The following CCDC7 variants were observed in gnomAD, a reference collection of about 807,000 sequenced individuals.
CCDC7 encodes coiled-coil domain containing 7.
CCDC7 carries 183 observed loss-of-function variants against 196.9 expected under a neutral mutation model. The ratio of observed to expected loss-of-function variants is 0.93; its 90% CI spans 0.82 to 1.05. CCDC7 has a LOEUF of 1.05. Among genes scored for constraint, CCDC7 ranks in the 50% least tolerant of loss-of-function variants. The pLI, the probability that CCDC7 is intolerant of heterozygous loss-of-function variation, is 0.00. For synonymous variants in CCDC7, 525 were observed against 484.6 expected (o/e 1.08, Z -1.10); for missense variants, 1,540 against 1,482.2 (o/e 1.04, Z -0.64).
chr10:32,450,951 GT>G (rs1297602080), upstream of CCDC7, among the ~76,000 whole-genome samples: 1 of 151,930 alleles, frequency 6.6e-6, no homozygotes, highest in Non-Finnish European at 1.5e-5. Context: ...TGTTCTTGTT[GT>G]TTTCTGTTGT....
chr10:32,836,474 G>A (rs2092610076), intron 33 of CCDC7, among the ~76,000 whole-genome samples: 1 of 152,100 alleles, frequency 6.6e-6, no homozygotes, highest in African/African-American at 2.4e-5. Context: ...TTCCACAATG[G>A]TTGAACTAGT....
At chr10:32,524,541 T>G (rs1017206952) in intron 11 of CCDC7, among the ~76,000 whole-genome samples, 7 of 152,208 alleles carry the variant, frequency 4.6e-5, no homozygotes, top group African/African-American at 1.7e-4. Context: ...AGAATTTCCT[T>G]TAGCATCTCT....
intron 32 of CCDC7, among the ~76,000 whole-genome samples, chr10:32,827,207 A>T (rs893092078): frequency 2.0e-4 from 30 of 152,224 alleles, no homozygotes; most frequent in African/African-American, 7.2e-4. Flanking sequence ...GATGGAGGTT[A>T]TACATGGGCT....
chr10:32,876,659 C>A, downstream of CCDC7: 1 of 301,962 alleles, frequency 3.3e-6, no homozygotes, highest in South Asian at 7.6e-5. Flanking sequence ...TTTTAAATCA[C>A]AAATAATAAA....
intron 30 of CCDC7, among the ~76,000 whole-genome samples, chr10:32,813,198 C>T (rs1187586252): frequency 6.6e-6 from 1 of 152,128 alleles, no homozygotes; most frequent in Non-Finnish European, 1.5e-5. Flanking sequence ...CCAATTCTAC[C>T]CACAGAATCT....
chr10:32,697,433 A>G (rs1278916437), intron 24 of CCDC7, among the ~76,000 whole-genome samples: 1 of 152,222 alleles, frequency 6.6e-6, no homozygotes, highest in African/African-American at 2.4e-5. Flanking sequence ...AAGGGAAGCC[A>G]TGACAGATGG....
chr10:32,868,905 T>C (rs1404483706), intron 41 of CCDC7, among the ~76,000 whole-genome samples: 2 of 152,142 alleles, frequency 1.3e-5, no homozygotes, highest in African/African-American at 2.4e-5. Flanking sequence ...AATTCATTCT[T>C]TTTTATGGCT....
chr10:32,487,570 A>T (rs2041375764), intron 8 of CCDC7, among the ~76,000 whole-genome samples: 2 of 152,130 alleles, frequency 1.3e-5, no homozygotes, highest in Admixed American at 1.3e-4. Flanking sequence ...TCTGATTTTT[A>T]GAGTTTCCAG....
intron 41 of CCDC7, among the ~76,000 whole-genome samples, chr10:32,857,175 A>C (rs1461197701): frequency 6.6e-6 from 1 of 152,152 alleles, no homozygotes; most frequent in East Asian, 1.9e-4. Context: ...CCAGAATGAG[A>C]GCCACTGCAC....
chr10:32,805,447 A>G (rs1461605745), intron 30 of CCDC7, among the ~76,000 whole-genome samples: 4 of 152,212 alleles, frequency 2.6e-5, no homozygotes, highest in Non-Finnish European at 5.9e-5. Flanking sequence ...CGGAAAGGCT[A>G]TCTGATGAGT....
At chr10:32,856,041 G>A (rs4934830) in intron 41 of CCDC7, among the ~76,000 whole-genome samples, 20,947 of 152,060 alleles carry the variant, frequency 0.14, 1,744 homozygotes, top group East Asian at 0.25. Context: ...AAATAATGAC[G>A]TTGTGCCCTT....
chr10:32,715,675 A>C (rs1375719341), intron 25 of CCDC7, among the ~76,000 whole-genome samples: 1 of 152,222 alleles, frequency 6.6e-6, no homozygotes, highest in Non-Finnish European at 1.5e-5. Context: ...AGGAACTGCT[A>C]ACTAGAATAA....
At chr10:32,849,848 C>T (rs893810085) in intron 39 of CCDC7, among the ~76,000 whole-genome samples, 2 of 151,924 alleles carry the variant, frequency 1.3e-5, no homozygotes, top group Admixed American at 6.6e-5. Context: ...AAGAAATTGC[C>T]ATACGCAGAA....
intron 25 of CCDC7, among the ~76,000 whole-genome samples, chr10:32,713,961 A>C (rs747834408): frequency 1.3e-5 from 2 of 152,208 alleles, no homozygotes; most frequent in African/African-American, 2.4e-5. Flanking sequence ...CTGGTCAACA[A>C]TCTTATCATC....
At chr10:32,825,656 T>C (rs183027781) in intron 32 of CCDC7, among the ~76,000 whole-genome samples, 46 of 152,198 alleles carry the variant, frequency 3.0e-4, no homozygotes, top group African/African-American at 1.1e-3. Flanking sequence ...CTTTTGTTGG[T>C]TTTGGGGTTT....
chr10:32,774,990 C>T (rs999906792), intron 28 of CCDC7, among the ~76,000 whole-genome samples: 3 of 152,088 alleles, frequency 2.0e-5, no homozygotes, highest in South Asian at 2.1e-4. Flanking sequence ...TGCAGTTTTG[C>T]GCTATCTTCC....
chr10:32,878,145 A>C (rs77404711), downstream of CCDC7, among the ~76,000 whole-genome samples: 5 of 152,068 alleles, frequency 3.3e-5, no homozygotes, highest in East Asian at 9.6e-4. Flanking sequence ...ACAGTATGGG[A>C]GGTATGACTC....
chr10:32,876,298 G>A (rs2488305), intron 41 of CCDC7, 49 bp from the exon 43 acceptor site: 1,129,271 of 1,356,196 alleles, frequency 0.83, 472,713 homozygotes, highest in Admixed American at 0.87. Context: ...TATATCAACT[G>A]GAGTAAAATT....
intron 14 of CCDC7, among the ~76,000 whole-genome samples, chr10:32,566,442 A>G (rs972380733): frequency 3.9e-5 from 6 of 152,168 alleles, no homozygotes; most frequent in Non-Finnish European, 7.4e-5. Flanking sequence ...AAATGATCTA[A>G]ATGTCCATTG....
Sources: gnomAD v4.1 joint callset for allele counts (sites outside exome capture counted in the v4.1 genomes callset) on GRCh38, gnomAD v4.1.1 for gene constraint, MANE v1.5 for transcripts, NCBI Gene and HGNC (gene_info 2026-07-23, HGNC 2026-07-21) for gene names.